Variants in RAB18 observed in about 807,000 individuals in gnomAD.
RAB18 encodes the protein ras-related protein Rab-18.
A neutral mutation model predicts 28.5 loss-of-function variants in RAB18; 10 were observed. The observed-to-expected ratio is 0.35, with a 90% CI of 0.22 to 0.60. The LOEUF (loss-of-function observed/expected upper bound fraction) is 0.60, where lower values mean the gene tolerates loss of function less well. RAB18 is among the 20% of genes least tolerant of loss of function. The pLI, the probability that RAB18 is intolerant of heterozygous loss-of-function variation, is 0.78. For missense variants in RAB18, 188 were observed against 244.2 expected, an observed-to-expected ratio of 0.77 and a Z score of 1.53; for synonymous variants, 93 against 86.9, an observed-to-expected ratio of 1.07 and a Z score of -0.39.
chr10:27,541,011 T>G lies in RAB18; in HGVS notation c.*2960T>G. ...CTTAATACATATTTTTTCTGTGTAT[T>G]TTTTTCAAATGAACTCAACAATTCT... On this transcript the variant is annotated 3_prime_UTR_variant, in exon 7 of 7. Transcript: ENST00000356940. The G allele has an allele frequency of 2.2e-6, 1 of 453,078 alleles. No individual in the cohort carries two copies. Among genetic ancestry groups the G allele is most frequent in the Non-Finnish European group, 4.4e-6 (1 of 226,408 alleles). The allele number at this position is 453,078 out of a possible 1,614,324, so 28.1% of individuals were successfully genotyped here.
Position 27,540,207 on chromosome 10 carries a change from C to T in RAB18, c.*2156C>T, listed in dbSNP as rs1163165174. ...AGCTTCCTTGGTGCCAGATGCCTTTCTAAGTGCTGAATTATCTCATTAAAC... is the reference window on the plus strand; with the variant it reads ...AGCTTCCTTGGTGCCAGATGCCTTTTTAAGTGCTGAATTATCTCATTAAAC... On this transcript the variant is annotated 3_prime_UTR_variant, in exon 7 of 7. Transcript: ENST00000356940. 6 of 453,894 alleles carry T rather than the reference C, an allele frequency of 1.3e-5. No homozygotes were observed. Among genetic ancestry groups the T allele is most frequent in the Non-Finnish European group, 2.2e-5 (5 of 226,764 alleles). The allele number at this position is 453,894 out of a possible 1,614,324, so 28.1% of individuals were successfully genotyped here.
At chr10:27,508,898 A>G (rs982126138) in intron 1 of RAB18, among the ~76,000 whole-genome samples, 2 of 152,186 alleles carry the variant, frequency 1.3e-5, no homozygotes, top group Admixed American at 1.3e-4. Context: ...ATTCATGCAA[A>G]CAGGTCAATT....
intron 6 of RAB18, among the ~76,000 whole-genome samples, chr10:27,536,334 C>T (rs1229758410): frequency 6.6e-6 from 1 of 152,098 alleles, no homozygotes; most frequent in East Asian, 1.9e-4. Context: ...CAGGAAAGAA[C>T]GTGGATAGAA....
At chr10:27,533,142 T>C (rs1834821818) in intron 4 of RAB18, among the ~76,000 whole-genome samples, 4 of 152,056 alleles carry the variant, frequency 2.6e-5, no homozygotes, top group Admixed American at 2.6e-4. Flanking sequence ...TTTTAAATAT[T>C]ATGGCTTGGT....
At chr10:27,528,070 T>C (rs1185985264) in intron 3 of RAB18, among the ~76,000 whole-genome samples, 1 of 152,120 alleles carries the variant, frequency 6.6e-6, no homozygotes, top group Non-Finnish European at 1.5e-5. Flanking sequence ...TTTTCCATAC[T>C]AAAGTGGGGG....
chr10:27,520,848 C>T (rs941115210), intron 2 of RAB18, among the ~76,000 whole-genome samples: 2 of 124,006 alleles, frequency 1.6e-5, no homozygotes, highest in African/African-American at 6.3e-5. Flanking sequence ...ACCCAGGAGG[C>T]AGAAGTTGCA....
rs547801129 is a variant in RAB18 at position 27,534,502 on chromosome 10, C to T, written c.445+508C>T. On this transcript the variant is annotated intron_variant, in intron 6 of 6. Coordinates refer to ENST00000356940, the MANE Select transcript of RAB18 (RefSeq NM_021252.5). Reference sequence around the variant, plus strand: ...ATTTGTATTGGTACACAGCCATGTCCATGTGTTTACATGTTGTCTGTAGCT... The same window carrying T: ...ATTTGTATTGGTACACAGCCATGTCTATGTGTTTACATGTTGTCTGTAGCT... Among the ~76,000 whole-genome samples the T allele has an allele frequency of 2.0e-5, 3 of 152,368 alleles. No individual in the cohort carries two copies. In the South Asian group the frequency reaches 6.2e-4, roughly 32 times the overall value.
At position 27,541,340 on chromosome 10, in the gene RAB18, A is replaced by G. The variant is rs1835023333; in HGVS notation, c.*3289A>G. Reference sequence around the variant, plus strand: ...GGGGCTAAGGAATATAGAATCACCCAGGTCTTTTTTTTTTTTTTTAATTTT... The same window carrying G: ...GGGGCTAAGGAATATAGAATCACCCGGGTCTTTTTTTTTTTTTTTAATTTT... On this transcript the variant is annotated 3_prime_UTR_variant, in exon 7 of 7. Coordinates refer to ENST00000356940, the MANE Select transcript of RAB18 (RefSeq NM_021252.5). 1 of 390,530 alleles carries G rather than the reference A, an allele frequency of 2.6e-6. No individual in the cohort carries two copies. Among genetic ancestry groups the G allele is most frequent in the Non-Finnish European group, 5.0e-6 (1 of 200,928 alleles). The allele number at this position is 390,530 out of a possible 1,614,324, so 24.2% of individuals were successfully genotyped here.
intron 2 of RAB18, among the ~76,000 whole-genome samples, chr10:27,511,681 T>G (rs2138975304): frequency 6.6e-6 from 1 of 152,288 alleles, no homozygotes. Context: ...CACAGAAGTG[T>G]TTTTCAGAAC....
At chr10:27,513,281 C>T (rs1303355979) in intron 2 of RAB18, among the ~76,000 whole-genome samples, 41 of 151,892 alleles carry the variant, frequency 2.7e-4, no homozygotes, top group South Asian at 4.2e-4. Context: ...GTGATCCACC[C>T]GCCTCAGCCT....
chr10:27,533,768 A>AATGT lies in RAB18; in HGVS notation c.294_295insTGTA (p.Leu99CysfsTer4). On this transcript the variant is annotated frameshift_variant, in exon 5 of 7. Transcript: ENST00000356940. LOFTEE classifies it high-confidence loss of function. ...GTCACAAGAAGAGATACATTTGTTAAACTGGATAATTGGTTAAATGAATTG... is the reference window on the plus strand; with the variant it reads ...GTCACAAGAAGAGATACATTTGTTAAATGTACTGGATAATTGGTTAAATGAATTG... 6.2e-7 allele frequency: 1 copy of AATGT among 1,613,678 alleles called. No homozygotes were observed. The highest frequency in any genetic ancestry group is 8.5e-7 in the Non-Finnish European group (1 of 1,179,770).
intron 2 of RAB18, among the ~76,000 whole-genome samples, chr10:27,524,952 C>T (rs911320063): frequency 2.0e-5 from 3 of 152,172 alleles, no homozygotes; most frequent in Non-Finnish European, 4.4e-5. Context: ...GCTTTGATGG[C>T]AGGACGACAG....
At chr10:27,522,164 A>G (rs1229073890) in intron 2 of RAB18, among the ~76,000 whole-genome samples, 1 of 152,172 alleles carries the variant, frequency 6.6e-6, no homozygotes, top group African/African-American at 2.4e-5. Context: ...TAAATAAATA[A>G]ATAGAATCTC....
chr10:27,519,107 G>A (rs925815281), intron 2 of RAB18, among the ~76,000 whole-genome samples: 2 of 151,138 alleles, frequency 1.3e-5, no homozygotes, highest in Admixed American at 1.3e-4. Context: ...CCAACAAAAC[G>A]AAGTGGGGTT....
chr10:27,516,623 A>G (rs1173881391), intron 2 of RAB18, among the ~76,000 whole-genome samples: 1 of 152,130 alleles, frequency 6.6e-6, no homozygotes. Context: ...TCCTTAGGCT[A>G]TACCTTAGTC....
At chr10:27,504,564 C>T (rs890973641) in intron 1 of RAB18, 127 bp downstream of exon 1, 14 of 1,090,266 alleles carry the variant, frequency 1.3e-5, no homozygotes, top group Non-Finnish European at 1.9e-5. Flanking sequence ...CGCTCGCGCC[C>T]TCCTCGGCCT....
chr10:27,505,075 T>C (rs1202481406), intron 1 of RAB18: 1 of 532,688 alleles, frequency 1.9e-6, no homozygotes, highest in South Asian at 1.4e-5. Context: ...GAAAATAAAA[T>C]GTAATTGTTA....
rs777418463 is a variant in RAB18, at chr10:27,538,465, C to T, written c.*414C>T. The T allele has an allele frequency of 2.6e-5, 12 of 455,028 alleles. 1 individual carries two copies. Among genetic ancestry groups the T allele is most frequent in the South Asian group, 1.9e-4 (12 of 64,488 alleles). The allele number at this position is 455,028 out of a possible 1,614,324, so 28.2% of individuals were successfully genotyped here. A position where few individuals can be genotyped will look rare whatever the true frequency, so the allele number is the denominator to read the frequency against. On this transcript the variant is annotated 3_prime_UTR_variant, in exon 7 of 7. Transcript: ENST00000356940. ...CCACGGGGAAGAATAGAGGTATCAT[C>T]AAACGTGGCAAATTTTCTTTCAGGA...
Position 27,539,617 on chromosome 10 carries a change from G to T in RAB18, c.*1566G>T, listed in dbSNP as rs1300944612. 4 of 449,456 alleles carry T rather than the reference G, an allele frequency of 8.9e-6. No individual in the cohort carries two copies. The highest frequency in any genetic ancestry group is 2.0e-5 in the African/African-American group (1 of 49,716). The allele number at this position is 449,456 out of a possible 1,614,324, so 27.8% of individuals were successfully genotyped here. A position where few individuals can be genotyped will look rare whatever the true frequency, so the allele number is the denominator to read the frequency against. On this transcript the variant is annotated 3_prime_UTR_variant, in exon 7 of 7. Transcript: ENST00000356940. ...TTGTTCATGTTATATTAAAACTTGA[G>T]ATTTGTGTATTTATGTAGAGTCTGT...
Sources: allele counts gnomAD v4.1 joint callset (sites outside exome capture counted in the v4.1 genomes callset), GRCh38; gene constraint gnomAD v4.1.1; transcripts MANE v1.5; gene names NCBI Gene and HGNC (gene_info 2026-07-23, HGNC 2026-07-21).